The following CADM2 variants were observed in gnomAD, a reference collection of about 807,000 sequenced individuals.
CADM2 encodes cell adhesion molecule 2.
Under a neutral mutation model 49.8 loss-of-function variants are expected in CADM2, and 12 were observed. That is an observed-to-expected ratio of 0.24 (90% confidence interval 0.15 to 0.39). CADM2 has a LOEUF of 0.39. CADM2 is among the 10% of genes least tolerant of loss of function. The pLI is 1.00. For synonymous variants in CADM2, 214 were observed against 175.4 expected (o/e 1.22, Z -1.74); for missense variants, 378 against 492.3 (o/e 0.77, Z 2.20).
rs186914488 is a variant in CADM2 at position 85,712,222 on chromosome 3, C to A, written c.62-14300C>A. ...ATTGCTTTGTATTCATAATTGTTTT[C>A]ATATAGTCTTTCTCCTAAAATAGTT... On this transcript the variant is annotated intron_variant, in intron 1 of 9. Transcript: ENST00000383699. Among the ~76,000 whole-genome samples, 7 of 152,210 alleles carry A rather than the reference C, an allele frequency of 4.6e-5. No homozygotes were observed. The East Asian group carries it at 1.4e-3, about 29-fold the overall frequency.
At chr3:85,341,544 T>C (rs1245028179) in intron 1 of CADM2, among the ~76,000 whole-genome samples, 1 of 151,952 alleles carries the variant, frequency 6.6e-6, no homozygotes, top group African/African-American at 2.4e-5. Context: ...GTTATATAGA[T>C]CATATACATA....
rs531653261 is a variant in CADM2, at chr3:85,684,451, A to T, written c.62-42071A>T. ...CAAGCCGGCACACTTTGACAGAGAG[A>T]GAGAGAGAGAGAGAGGGAGAGACTT... On this transcript the variant is annotated intron_variant, in intron 1 of 9. Transcript: ENST00000383699. Among the ~76,000 whole-genome samples the T allele has an allele frequency of 9.2e-5, 14 of 152,232 alleles. No individual in the cohort carries two copies. The East Asian group carries it at 2.7e-3, about 30-fold the overall frequency.
intron 1 of CADM2, among the ~76,000 whole-genome samples, chr3:85,413,138 C>CAAAAAAAAAAAAAAAAAAAAAAAAAAAAA (rs397973777): frequency 5.8e-5 from 1 of 17,114 alleles, no homozygotes; most frequent in African/African-American, 1.7e-4. Flanking sequence ...GACTCCGTCT[C>CAAAAAAAAAAAAAAAAAAAAAAAAAAAAA]AAAAAAAAAA....
At chr3:85,354,054 T>A (rs972206488) in intron 1 of CADM2, among the ~76,000 whole-genome samples, 4 of 151,974 alleles carry the variant, frequency 2.6e-5, no homozygotes, top group Non-Finnish European at 5.9e-5. Context: ...TAGAACTGAC[T>A]ACAAGAGTTT....
intron 1 of CADM2, among the ~76,000 whole-genome samples, chr3:85,601,165 TATATATATACACACACACAC>T (rs2063390339): frequency 1.3e-5 from 1 of 78,338 alleles, no homozygotes; most frequent in African/African-American, 4.3e-5. Context: ...TATATATATA[TATATATATACACACACACAC>T]ACACATACAT....
At chr3:85,829,208 C>A (rs2074067301) in intron 3 of CADM2, among the ~76,000 whole-genome samples, 2 of 151,794 alleles carry the variant, frequency 1.3e-5, no homozygotes, top group South Asian at 4.1e-4. Context: ...TTAATAGTAG[C>A]CATTCAAGAT....
intron 8 of CADM2, among the ~76,000 whole-genome samples, chr3:86,043,361 T>C: frequency 6.6e-6 from 1 of 152,200 alleles, no homozygotes; most frequent in Non-Finnish European, 1.5e-5. Flanking sequence ...CTCCTTAAGC[T>C]GATAAGCAAC....
chr3:85,930,296 A>T (rs937932615), intron 6 of CADM2, among the ~76,000 whole-genome samples: 9 of 152,002 alleles, frequency 5.9e-5, no homozygotes, highest in East Asian at 1.9e-4. Context: ...CATTTAAAAA[A>T]TTTTTCTTTT....
At chr3:85,277,533 C>T (rs1464367438) in intron 1 of CADM2, among the ~76,000 whole-genome samples, 1 of 151,356 alleles carries the variant, frequency 6.6e-6, no homozygotes, top group Non-Finnish European at 1.5e-5. Flanking sequence ...GAAAATTCAC[C>T]TCAGATTTTG....
At chr3:85,921,932 A>T (rs1172498678) in intron 6 of CADM2, among the ~76,000 whole-genome samples, 2 of 152,040 alleles carry the variant, frequency 1.3e-5, no homozygotes, top group Non-Finnish European at 2.9e-5. Flanking sequence ...ATTTTGCAGG[A>T]TGTAATCTCT....
At chr3:85,959,285 CT>C (rs1724522153) in intron 7 of CADM2, among the ~76,000 whole-genome samples, 1 of 151,624 alleles carries the variant, frequency 6.6e-6, no homozygotes, top group Non-Finnish European at 1.5e-5. Context: ...CATCTTGGAC[CT>C]TCTGCATGCT....
intron 8 of CADM2, chr3:86,013,953 G>C: frequency 1.3e-6 from 2 of 1,565,778 alleles, no homozygotes; most frequent in Admixed American, 1.7e-5. Context: ...GGCAAAATCA[G>C]TACCTGTTAT....
chr3:85,975,149 A>G (rs900812550), intron 8 of CADM2, among the ~76,000 whole-genome samples: 13 of 151,468 alleles, frequency 8.6e-5, no homozygotes, highest in African/African-American at 3.1e-4. Flanking sequence ...CTGGATCTGT[A>G]TGAATTCATT....
chr3:84,977,393 T>C (rs1162026599), intron 1 of CADM2, among the ~76,000 whole-genome samples: 1 of 152,046 alleles, frequency 6.6e-6, no homozygotes, highest in Non-Finnish European at 1.5e-5. Context: ...TAGGTCTAAA[T>C]GATAAGCACA....
chr3:85,405,532 C>A (rs1388732798), intron 1 of CADM2, among the ~76,000 whole-genome samples: 2 of 152,088 alleles, frequency 1.3e-5, no homozygotes, highest in Non-Finnish European at 2.9e-5. Context: ...GAATCCTTAA[C>A]AAATTCAAGG....
intron 8 of CADM2, among the ~76,000 whole-genome samples, chr3:86,002,089 C>A (rs1483343601): frequency 6.6e-6 from 1 of 152,032 alleles, no homozygotes; most frequent in East Asian, 1.9e-4. Flanking sequence ...GTTACTGATT[C>A]AATCCAGGGC....
intron 2 of CADM2, among the ~76,000 whole-genome samples, chr3:85,745,215 A>G (rs148592251): frequency 3.9e-5 from 6 of 152,310 alleles, no homozygotes; most frequent in Non-Finnish European, 8.8e-5. Flanking sequence ...ATAATTGTTC[A>G]TAATGAGGTT....
intron 1 of CADM2, among the ~76,000 whole-genome samples, chr3:85,576,916 C>G (rs975304037): frequency 6.6e-6 from 1 of 151,846 alleles, no homozygotes; most frequent in Non-Finnish European, 1.5e-5. Flanking sequence ...ATTGTTTACC[C>G]AGAGCCACCA....
At chr3:85,316,665 T>C (rs1255204846) in intron 1 of CADM2, among the ~76,000 whole-genome samples, 4 of 152,172 alleles carry the variant, frequency 2.6e-5, no homozygotes, top group Non-Finnish European at 4.4e-5. Context: ...TTTGAACATA[T>C]ATGCCAAAAA....
Sources: gnomAD v4.1 joint callset for allele counts (sites outside exome capture counted in the v4.1 genomes callset) on GRCh38, gnomAD v4.1.1 for gene constraint, MANE v1.5 for transcripts, NCBI Gene and HGNC (gene_info 2026-07-23, HGNC 2026-07-21) for gene names.